KCNH1: variants seen among roughly 807,000 people sequenced by gnomAD.
KCNH1 encodes the protein potassium voltage-gated channel subfamily H member 1.
A neutral mutation model predicts 69.2 loss-of-function variants in KCNH1; 27 were observed. The observed-to-expected ratio is 0.39, with a 90% confidence interval of 0.29 to 0.54. The LOEUF (loss-of-function observed/expected upper bound fraction) is 0.54, where lower values mean the gene tolerates loss of function less well. KCNH1 is among the 20% of genes least tolerant of loss of function. KCNH1 has a pLI of 0.68. For synonymous variants in KCNH1, 456 were observed against 487.7 expected (o/e 0.93, Z 0.86); for missense variants, 798 against 1,261.6 (o/e 0.63, Z 5.57).
chr1:211,002,737 T>C (rs1472496453), intron 6 of KCNH1, among the ~76,000 whole-genome samples: 1 of 151,950 alleles, frequency 6.6e-6, no homozygotes, highest in Non-Finnish European at 1.5e-5. Context: ...ATCAGGAAAC[T>C]GGGAGATGAG....
intron 6 of KCNH1, among the ~76,000 whole-genome samples, chr1:210,975,280 T>A (rs1291023062): frequency 6.6e-6 from 1 of 152,166 alleles, no homozygotes; most frequent in African/African-American, 2.4e-5. Context: ...AAAAACCAGC[T>A]CCTGGATTCA....
Position 210,683,151 on chromosome 1 carries a change from A to T in KCNH1, c.*130T>A. The stretch of plus-strand genomic sequence containing the variant: ...GATAGAGAAAGAGCACGTCTAAGCC[A>T]CTGGCCCCACTTTTTCTGTTAGGAA... On this transcript the variant is annotated 3_prime_UTR_variant, in exon 11 of 11. Coordinates refer to ENST00000271751, the MANE Select transcript of KCNH1 (RefSeq NM_172362.3). The surrounding 1 kb of genome is among the most constrained non-coding windows in gnomAD (Gnocchi z 5.7). 1.1e-6 allele frequency: 1 copy of T among 904,338 alleles called. No individual in the cohort carries two copies. Among genetic ancestry groups the T allele is most frequent in the Non-Finnish European group, 1.7e-6 (1 of 590,386 alleles). 56.0% of individuals were successfully genotyped at this position (904,338 alleles called of 1,614,324 possible). A position where few individuals can be genotyped will look rare whatever the true frequency, so the allele number is the denominator to read the frequency against.
intron 6 of KCNH1, among the ~76,000 whole-genome samples, chr1:210,984,183 T>A (rs1363861510): frequency 2.0e-5 from 3 of 152,186 alleles, no homozygotes; most frequent in African/African-American, 7.2e-5. Flanking sequence ...GGGAAGACAA[T>A]GGGGTTTTCT....
rs1365083081 is a variant in KCNH1, at chr1:210,919,149, G to A, written c.1462+491C>T. On this transcript the variant is annotated intron_variant, in intron 7 of 10. Coordinates refer to ENST00000271751, the MANE Select transcript of KCNH1 (RefSeq NM_172362.3). This position sits in a 1 kb window ranked among gnomAD's most constrained non-coding sequence, Gnocchi z 4.2. ...GGTAATGATGTAAAGGAATGGATAT[G>A]TTAATTTGCTTTGCTGTCATAATCA... is the stretch of plus-strand genomic sequence containing the variant. 1 of 154,240 alleles carries A rather than the reference G, an allele frequency of 6.5e-6. No individual in the cohort carries two copies. The highest frequency in any genetic ancestry group is 1.4e-5 in the Non-Finnish European group (1 of 69,340). The allele number at this position is 154,240 out of a possible 1,614,324, so 9.6% of individuals were successfully genotyped here.
intron 6 of KCNH1, among the ~76,000 whole-genome samples, chr1:210,971,256 G>A (rs761493074): frequency 6.6e-6 from 1 of 151,896 alleles, no homozygotes; most frequent in Non-Finnish European, 1.5e-5. Context: ...GCCGACCCAC[G>A]ATGTTTTATA....
At chr1:211,060,026 C>A (rs1368666641) in intron 5 of KCNH1, among the ~76,000 whole-genome samples, 1 of 152,054 alleles carries the variant, frequency 6.6e-6, no homozygotes, top group Non-Finnish European at 1.5e-5. Context: ...TAAATTATAT[C>A]AAGTATCTTC....
intron 10 of KCNH1, among the ~76,000 whole-genome samples, chr1:210,706,087 GT>G (rs1431731415): frequency 6.6e-6 from 1 of 152,226 alleles, no homozygotes; most frequent in Non-Finnish European, 1.5e-5. Flanking sequence ...AGAGAGTTAG[GT>G]TCCAGATCCT....
chr1:210,801,960 A>C (rs1684437058), intron 8 of KCNH1, among the ~76,000 whole-genome samples: 1 of 152,224 alleles, frequency 6.6e-6, no homozygotes, highest in Non-Finnish European at 1.5e-5. Context: ...CAGGCTTTGA[A>C]GTCAGACAAA....
At chr1:210,752,070 G>T (rs1357937043) in intron 10 of KCNH1, among the ~76,000 whole-genome samples, 2 of 152,184 alleles carry the variant, frequency 1.3e-5, no homozygotes, top group African/African-American at 4.8e-5. Context: ...TGCATGTTCT[G>T]TAACTATTGT....
intron 5 of KCNH1, among the ~76,000 whole-genome samples, chr1:211,023,178 A>G (rs1689622086): frequency 6.6e-6 from 1 of 151,238 alleles, no homozygotes; most frequent in Admixed American, 6.6e-5. Context: ...AATGCTGGTG[A>G]GGATCCAGAT....
chr1:210,846,669 G>T (rs1393521711), intron 7 of KCNH1, among the ~76,000 whole-genome samples: 1 of 152,136 alleles, frequency 6.6e-6, no homozygotes, highest in African/African-American at 2.4e-5. Flanking sequence ...CATAGGCACG[G>T]GCAAGGACTT....
intron 5 of KCNH1, among the ~76,000 whole-genome samples, chr1:211,023,172 C>T (rs1182540979): frequency 1.4e-5 from 2 of 145,402 alleles, no homozygotes; most frequent in Non-Finnish European, 3.1e-5. Flanking sequence ...ATTAAAAATG[C>T]TGGTGAGGAT....
chr1:211,066,979 A>G (rs962469039), intron 5 of KCNH1, among the ~76,000 whole-genome samples: 2 of 151,494 alleles, frequency 1.3e-5, no homozygotes, highest in African/African-American at 4.8e-5. Context: ...ATCTCAGATT[A>G]CATCTTGACC....
intron 9 of KCNH1, 146 bp downstream of exon 9, chr1:210,797,362 T>G: frequency 4.5e-6 from 4 of 886,418 alleles, no homozygotes; most frequent in Non-Finnish European, 7.1e-6. Context: ...GCTCTCGCCG[T>G]TTGATTGTTG....
intron 7 of KCNH1, among the ~76,000 whole-genome samples, chr1:210,912,858 T>A (rs763216608): frequency 3.9e-5 from 6 of 152,202 alleles, no homozygotes; most frequent in South Asian, 2.1e-4. Context: ...AAGAGCAAGA[T>A]GACCCACAGG....
chr1:210,853,964 A>G (rs1204723160), intron 7 of KCNH1, among the ~76,000 whole-genome samples: 5 of 150,498 alleles, frequency 3.3e-5, no homozygotes, highest in Non-Finnish European at 7.4e-5. Context: ...AAAAAAAAAA[A>G]AAAAGAAACC....
chr1:210,686,489 G>A (rs930607381), intron 10 of KCNH1, among the ~76,000 whole-genome samples: 1 of 152,118 alleles, frequency 6.6e-6, no homozygotes, highest in East Asian at 1.9e-4. Flanking sequence ...TTTGTAGTAG[G>A]GAGGCCAACT....
chr1:210,744,033 G>A (rs371888404), intron 10 of KCNH1, among the ~76,000 whole-genome samples: 1 of 152,128 alleles, frequency 6.6e-6, no homozygotes, highest in Non-Finnish European at 1.5e-5. Flanking sequence ...GACCACTCCT[G>A]TAAGCAGCTG....
chr1:210,698,433 A>G (rs986096703), intron 10 of KCNH1, among the ~76,000 whole-genome samples: 1 of 152,238 alleles, frequency 6.6e-6, no homozygotes, highest in African/African-American at 2.4e-5. Flanking sequence ...CCCTAAGAGA[A>G]GAATAGATAC....
Sources: gnomAD v4.1 joint callset for allele counts (sites outside exome capture counted in the v4.1 genomes callset) on GRCh38, gnomAD v4.1.1 for gene constraint, Gnocchi (gnomAD v3.1) non-coding constraint, MANE v1.5 for transcripts, NCBI Gene and HGNC (gene_info 2026-07-23, HGNC 2026-07-21) for gene names.